SGK3: variants seen among roughly 807,000 people sequenced by gnomAD.
SGK3 encodes serum/glucocorticoid regulated kinase family member 3.
Under a neutral mutation model 68.5 loss-of-function variants are expected in SGK3, and 47 were observed. That is an observed-to-expected ratio of 0.69 (90% CI 0.54 to 0.87). SGK3 has a LOEUF of 0.87. SGK3 is among the 40% of genes least tolerant of loss of function. The pLI is 0.00. For synonymous variants in SGK3, 181 were observed against 189.1 expected, an observed-to-expected ratio of 0.96 and a Z score of 0.35; for missense variants, 479 against 575.5, an observed-to-expected ratio of 0.83 and a Z score of 1.72.
intron 1 of SGK3, among the ~76,000 whole-genome samples, chr8:66,713,859 C>G (rs1487375966): frequency 6.6e-6 from 1 of 152,204 alleles, no homozygotes; most frequent in Non-Finnish European, 1.5e-5. Context: ...TGTTTTAGCA[C>G]CGGGTGTGCC....
At chr8:66,731,504 T>G (rs1805150949) in intron 1 of SGK3, among the ~76,000 whole-genome samples, 1 of 152,150 alleles carries the variant, frequency 6.6e-6, no homozygotes, top group Non-Finnish European at 1.5e-5. Flanking sequence ...TTCTTTACCT[T>G]TGGATATTAA....
intron 4 of SGK3, among the ~76,000 whole-genome samples, chr8:66,811,615 G>T (rs924862402): frequency 8.5e-5 from 13 of 152,218 alleles, no homozygotes; most frequent in Non-Finnish European, 1.9e-4. Flanking sequence ...TGTTTAGTCA[G>T]TAATGAAATG....
At chr8:66,764,842 T>G (rs1047724913) in intron 1 of SGK3, among the ~76,000 whole-genome samples, 2 of 152,168 alleles carry the variant, frequency 1.3e-5, no homozygotes, top group African/African-American at 4.8e-5. Flanking sequence ...AATATAAATA[T>G]AGCATAATGT....
intron 1 of SGK3, among the ~76,000 whole-genome samples, chr8:66,727,933 A>G (rs1404200410): frequency 2.0e-5 from 3 of 152,378 alleles, no homozygotes; most frequent in East Asian, 3.9e-4. Flanking sequence ...TGGAGAAGAC[A>G]GAATAAACCC....
intron 1 of SGK3, among the ~76,000 whole-genome samples, chr8:66,793,014 G>A: frequency 6.6e-6 from 1 of 152,160 alleles, no homozygotes; most frequent in East Asian, 1.9e-4. Context: ...TTTGTTCATG[G>A]GGTGGGATGA....
At chr8:66,825,456 G>T (rs1466115046) in intron 6 of SGK3, among the ~76,000 whole-genome samples, 1 of 151,764 alleles carries the variant, frequency 6.6e-6, no homozygotes, top group Non-Finnish European at 1.5e-5. Flanking sequence ...AGCCTCCCGA[G>T]GAGCTGGGAC....
At chr8:66,839,573 T>G (rs1240564586) in intron 10 of SGK3, among the ~76,000 whole-genome samples, 1 of 127,748 alleles carries the variant, frequency 7.8e-6, no homozygotes, top group African/African-American at 2.9e-5. Flanking sequence ...ATATGGGTTA[T>G]ATTTGTTCTG....
intron 3 of SGK3, among the ~76,000 whole-genome samples, chr8:66,801,020 G>A (rs1345474323): frequency 6.6e-6 from 1 of 152,098 alleles, no homozygotes; most frequent in Non-Finnish European, 1.5e-5. Context: ...AGAAATAACT[G>A]TTAACATTTT....
chr8:66,744,483 G>GTA lies in SGK3; in HGVS notation c.-122+31686_-122+31687dup, dbSNP rs869176585. 8.7e-3 allele frequency among the ~76,000 whole-genome samples: 353 copies of GTA among 40,714 alleles called. 2 individuals carry two copies. Among genetic ancestry groups the GTA allele is most frequent in the Middle Eastern group, 0.056 (2 of 36 alleles). 26.7% of individuals were successfully genotyped at this position (40,714 alleles called of 152,430 possible). ...TATATATGCATATATGTGTGTGTGT[G>GTA]TATATATATATATATATATATATAT... On this transcript the variant is annotated intron_variant, in intron 1 of 16. Transcript: ENST00000521198.
intron 1 of SGK3, among the ~76,000 whole-genome samples, chr8:66,728,552 C>T (rs1461590593): frequency 2.0e-5 from 3 of 152,114 alleles, no homozygotes; most frequent in African/African-American, 7.2e-5. Context: ...GTCTCGAACT[C>T]CTGACCTCAG....
chr8:66,780,358 G>A (rs890588699), intron 1 of SGK3, among the ~76,000 whole-genome samples: 1 of 152,202 alleles, frequency 6.6e-6, no homozygotes, highest in Non-Finnish European at 1.5e-5. Flanking sequence ...CAGTCAATAA[G>A]TCACAGTTCC....
intron 1 of SGK3, chr8:66,737,283 C>T (rs1161439112): frequency 6.6e-6 from 1 of 151,910 alleles, no homozygotes; most frequent in Non-Finnish European, 1.5e-5. Context: ...CTTTGGGAGG[C>T]TGAAGCAGGA....
chr8:66,815,921 A>G (rs1808554799), intron 5 of SGK3, among the ~76,000 whole-genome samples: 1 of 152,228 alleles, frequency 6.6e-6, no homozygotes, highest in South Asian at 2.1e-4. Flanking sequence ...TTTTAAATAT[A>G]TATACACCCT....
At chr8:66,789,378 AG>A (rs1447645822) in intron 1 of SGK3, among the ~76,000 whole-genome samples, 1 of 152,200 alleles carries the variant, frequency 6.6e-6, no homozygotes, top group African/African-American at 2.4e-5. Context: ...TAGTAGGAAA[AG>A]GGGAGACAGT....
intron 15 of SGK3, among the ~76,000 whole-genome samples, chr8:66,849,593 ATTTT>A (rs755457958): frequency 3.3e-5 from 4 of 122,802 alleles, no homozygotes; most frequent in Admixed American, 8.3e-5. Flanking sequence ...TTGGGGGAAT[ATTTT>A]TTTTTTTTTT....
intron 1 of SGK3, among the ~76,000 whole-genome samples, chr8:66,746,423 G>A (rs528239216): frequency 3.9e-5 from 6 of 152,276 alleles, no homozygotes; most frequent in African/African-American, 1.4e-4. Context: ...CATTTAAAAT[G>A]GAGAGAGCTG....
intron 5 of SGK3, among the ~76,000 whole-genome samples, chr8:66,814,430 G>T (rs531780135): frequency 6.6e-6 from 1 of 152,246 alleles, no homozygotes; most frequent in African/African-American, 2.4e-5. Context: ...GGTAAGGAAG[G>T]CTTCCTGCAA....
chr8:66,783,241 C>T (rs1807062511), intron 1 of SGK3, among the ~76,000 whole-genome samples: 1 of 152,182 alleles, frequency 6.6e-6, no homozygotes, highest in Non-Finnish European at 1.5e-5. Context: ...TGCTTCTTTG[C>T]ATTTGCCATC....
chr8:66,785,914 G>A (rs1174824440), intron 1 of SGK3, among the ~76,000 whole-genome samples: 3 of 152,342 alleles, frequency 2.0e-5, no homozygotes, highest in African/African-American at 7.2e-5. Flanking sequence ...TGACTGTCTA[G>A]CAGAGTGAAG....
Sources: allele counts gnomAD v4.1 joint callset (sites outside exome capture counted in the v4.1 genomes callset), GRCh38; gene constraint gnomAD v4.1.1; transcripts MANE v1.5; gene names NCBI Gene and HGNC (gene_info 2026-07-23, HGNC 2026-07-21).